DNAH6: variants seen among roughly 807,000 people sequenced by gnomAD.
The protein encoded by DNAH6 is axonemal beta dynein heavy chain 6.
DNAH6 carries 340 observed loss-of-function variants against 491.4 expected under a neutral mutation model. That is an observed-to-expected ratio of 0.69 (90% CI 0.63 to 0.76). The LOEUF is 0.76. Ranked by LOEUF, DNAH6 falls within the 30% of genes least tolerant of loss-of-function variation. DNAH6 has a pLI of 0.00. For synonymous variants in DNAH6, 1,603 were observed against 1,686.1 expected, an observed-to-expected ratio of 0.95 and a Z score of 1.21; for missense variants, 4,443 against 4,972.2, an observed-to-expected ratio of 0.89 and a Z score of 3.20.
At chr2:84,482,313 C>T in the DNAH6 span, among the ~76,000 whole-genome samples, 1 of 152,190 alleles carries the variant, frequency 6.6e-6, no homozygotes, top group Non-Finnish European at 1.5e-5. Context: ...TGGCAAATGT[C>T]AGTTCTCTTT....
intron 58 of DNAH6, among the ~76,000 whole-genome samples, chr2:84,716,409 T>C (rs189723759): frequency 1.2e-4 from 18 of 152,002 alleles, no homozygotes; most frequent in African/African-American, 2.4e-4. Context: ...TACCTATGTA[T>C]GTATTTTTAT....
chr2:84,485,415 G>A, the DNAH6 span, among the ~76,000 whole-genome samples: 1 of 152,040 alleles, frequency 6.6e-6, no homozygotes, highest in Non-Finnish European at 1.5e-5. Flanking sequence ...GGGCCTTTGG[G>A]TGTCCACTCA....
At chr2:84,669,536 G>T in intron 38 of DNAH6, 26 bp downstream of exon 38, 2 of 1,533,062 alleles carry the variant, frequency 1.3e-6, no homozygotes, top group Admixed American at 2.0e-5. Flanking sequence ...CAAACAAGAA[G>T]TCCTCTCCAA....
upstream of DNAH6, among the ~76,000 whole-genome samples, chr2:84,514,898 C>CACACACACA (rs1457767360): frequency 6.6e-6 from 1 of 151,874 alleles, no homozygotes; most frequent in Non-Finnish European, 1.5e-5. Context: ...CACACACACA[C>CACACACACA]ACTTCTTAGC....
intron 20 of DNAH6, 119 bp from the exon 21 acceptor site, chr2:84,606,857 G>A: frequency 9.7e-7 from 1 of 1,026,054 alleles, no homozygotes; most frequent in Non-Finnish European, 1.4e-6. Flanking sequence ...AGTAAGAGGG[G>A]CTAAGCTATT....
At chr2:84,687,680 T>G (rs1446034365) in intron 44 of DNAH6, among the ~76,000 whole-genome samples, 2 of 152,194 alleles carry the variant, frequency 1.3e-5, no homozygotes, top group African/African-American at 2.4e-5. Context: ...TCTGTGTGTT[T>G]TAGTAAAACA....
intron 63 of DNAH6, among the ~76,000 whole-genome samples, chr2:84,750,579 A>C (rs1673376161): frequency 6.6e-6 from 1 of 152,168 alleles, no homozygotes; most frequent in African/African-American, 2.4e-5. Flanking sequence ...TTTACTTTAA[A>C]ATAATCCTAG....
intron 22 of DNAH6, among the ~76,000 whole-genome samples, chr2:84,612,429 C>T (rs1455382174): frequency 6.6e-6 from 1 of 152,040 alleles, no homozygotes. Context: ...AAGTAAAAGC[C>T]TTGGCAAGCT....
chr2:84,487,999 A>G, the DNAH6 span, among the ~76,000 whole-genome samples: 1 of 152,016 alleles, frequency 6.6e-6, no homozygotes, highest in South Asian at 2.1e-4. Context: ...CTGTCTTGTC[A>G]ACTGACACAC....
intron 4 of DNAH6, among the ~76,000 whole-genome samples, chr2:84,535,388 A>G (rs10166733): frequency 0.033 from 4,990 of 152,054 alleles, 258 homozygotes; most frequent in African/African-American, 0.11. Context: ...CCTTTTGCCT[A>G]AATATCTTAT....
chr2:84,571,038 A>G (rs1034924082), intron 11 of DNAH6, among the ~76,000 whole-genome samples: 1 of 152,312 alleles, frequency 6.6e-6, no homozygotes, highest in South Asian at 2.1e-4. Flanking sequence ...AATCCACCGG[A>G]AGGAACCAAT....
At chr2:84,573,644 T>G (rs1682124505) in intron 12 of DNAH6, 57 bp downstream of exon 12, 1 of 1,436,172 alleles carries the variant, frequency 7.0e-7, no homozygotes, top group Non-Finnish European at 9.2e-7. Flanking sequence ...AGATTTGTTG[T>G]TTTTTAGGAT....
At chr2:84,739,950 C>T (rs1370872551) in intron 62 of DNAH6, among the ~76,000 whole-genome samples, 1 of 151,412 alleles carries the variant, frequency 6.6e-6, no homozygotes, top group Non-Finnish European at 1.5e-5. Context: ...ATGAAACACT[C>T]TGTCTTTTTG....
chr2:84,632,310 G>C (rs994196990), intron 29 of DNAH6, among the ~76,000 whole-genome samples: 1 of 152,106 alleles, frequency 6.6e-6, no homozygotes, highest in Non-Finnish European at 1.5e-5. Flanking sequence ...TGTGGCACGC[G>C]TTCACCAAGT....
At chr2:84,757,745 A>AACC (rs1262042261) in intron 63 of DNAH6, among the ~76,000 whole-genome samples, 4 of 152,246 alleles carry the variant, frequency 2.6e-5, no homozygotes, top group Non-Finnish European at 5.9e-5. Context: ...ATTGTGAGAT[A>AACC]CAACCCTTGG....
chr2:84,636,121 C>T (rs1207873444), intron 30 of DNAH6, among the ~76,000 whole-genome samples: 1 of 152,166 alleles, frequency 6.6e-6, no homozygotes, highest in Non-Finnish European at 1.5e-5. Flanking sequence ...TGTAGCCTGT[C>T]CAACCTCTCT....
At chr2:84,802,106 A>T (rs1489297026) in intron 70 of DNAH6, among the ~76,000 whole-genome samples, 3 of 152,182 alleles carry the variant, frequency 2.0e-5, no homozygotes, top group African/African-American at 7.2e-5. Flanking sequence ...CCACAAAATC[A>T]CACATAAGTA....
In DNAH6 at chr2:84,595,804, A is replaced by C. The variant is rs765752183; in HGVS notation, c.2868+15A>C. 38 of 1,535,002 alleles carry C rather than the reference A, an allele frequency of 2.5e-5. No individual in the cohort carries two copies. Among genetic ancestry groups the C allele is most frequent in the Non-Finnish European group, 3.2e-5 (36 of 1,141,776 alleles). On this transcript the variant is annotated intron_variant, in intron 18 of 76. Transcript: ENST00000389394. ...TGAAAGAAAAGGTAAGGTTGGTAGAAGTTATTTCAAAAACTGTAGGCCAGT... is the reference window on the plus strand; with the variant it reads ...TGAAAGAAAAGGTAAGGTTGGTAGACGTTATTTCAAAAACTGTAGGCCAGT...
chr2:84,534,203 T>G (rs931810985), intron 4 of DNAH6, among the ~76,000 whole-genome samples: 1 of 152,084 alleles, frequency 6.6e-6, no homozygotes, highest in Admixed American at 6.6e-5. Context: ...CCAAGGAGTG[T>G]ACTGCAGCCA....
Sources: allele counts gnomAD v4.1 joint callset (sites outside exome capture counted in the v4.1 genomes callset), GRCh38; gene constraint gnomAD v4.1.1; transcripts MANE v1.5; gene names NCBI Gene and HGNC (gene_info 2026-07-23, HGNC 2026-07-21).